NAA15: variants seen among roughly 807,000 people sequenced by gnomAD.
NAA15 encodes N-terminal acetyltransferase.
Under a neutral mutation model 114.0 loss-of-function variants are expected in NAA15, and 34 were observed. The ratio of observed to expected loss-of-function variants is 0.30; its 90% CI spans 0.23 to 0.40. NAA15 has a LOEUF of 0.40. NAA15 is among the 10% of genes least tolerant of loss of function. The pLI is 1.00. For synonymous variants in NAA15, 340 were observed against 338.0 expected, an observed-to-expected ratio of 1.01 and a Z score of -0.06; for missense variants, 658 against 1,004.5, an observed-to-expected ratio of 0.66 and a Z score of 4.66.
intron 10 of NAA15, chr4:139,356,354 G>A (rs917234864): frequency 6.6e-6 from 1 of 152,130 alleles, no homozygotes; most frequent in Admixed American, 6.6e-5. Flanking sequence ...TTCCTGTAGT[G>A]GGAAAGCCCG....
chr4:139,361,525 A>G (rs181794839), intron 13 of NAA15, among the ~76,000 whole-genome samples, 199 bp from the exon 14 acceptor site: 1 of 152,336 alleles, frequency 6.6e-6, no homozygotes, highest in African/African-American at 2.4e-5. Flanking sequence ...GCAGTATGCC[A>G]TATCCTGTGC....
Position 139,370,424 on chromosome 4 carries a change from A to G in NAA15, c.1947+20A>G, listed in dbSNP as rs781341666. ...GCCAAGGTACTTAATAATAGTGTTTAGCACAATTGAGTGACATTTTATGAC... is the reference window on the plus strand; with the variant it reads ...GCCAAGGTACTTAATAATAGTGTTTGGCACAATTGAGTGACATTTTATGAC... On this transcript the variant is annotated intron_variant, in intron 15 of 19. Coordinates refer to ENST00000296543, the MANE Select transcript of NAA15 (RefSeq NM_057175.5). 1.3e-6 allele frequency: 2 copies of G among 1,518,642 alleles called. No homozygotes were observed. Among genetic ancestry groups the G allele is most frequent in the South Asian group, 2.8e-5 (2 of 71,578 alleles). 94.1% of individuals were successfully genotyped at this position (1,518,642 alleles called of 1,614,324 possible). A position where few individuals can be genotyped will look rare whatever the true frequency, so the allele number is the denominator to read the frequency against.
At chr4:139,368,471 G>A (rs1397525996) in intron 14 of NAA15, among the ~76,000 whole-genome samples, 1 of 152,162 alleles carries the variant, frequency 6.6e-6, no homozygotes, top group Non-Finnish European at 1.5e-5. Flanking sequence ...AGCTTGGCTT[G>A]GAGGATCTCC....
At chr4:139,381,573 AT>A (rs1748756257) in intron 17 of NAA15, among the ~76,000 whole-genome samples, 2 of 151,720 alleles carry the variant, frequency 1.3e-5, no homozygotes, top group Non-Finnish European at 2.9e-5. Context: ...TAAATTTTTT[AT>A]TTTTTTAAGC....
chr4:139,380,517 T>C (rs1748720050), intron 17 of NAA15, among the ~76,000 whole-genome samples: 1 of 152,254 alleles, frequency 6.6e-6, no homozygotes, highest in Non-Finnish European at 1.5e-5. Flanking sequence ...TATTTGCTTA[T>C]AATCAGTATG....
intron 17 of NAA15, among the ~76,000 whole-genome samples, chr4:139,381,124 T>C (rs1399222855): frequency 6.6e-6 from 1 of 152,166 alleles, no homozygotes; most frequent in African/African-American, 2.4e-5. Context: ...TCCAAATCTC[T>C]AGAATATGTT....
At chr4:139,386,448 TA>T (rs1748911991) in intron 19 of NAA15, 1 of 361,070 alleles carries the variant, frequency 2.8e-6, no homozygotes, top group Admixed American at 4.7e-5. Flanking sequence ...AATAAAATCA[TA>T]TACATTCCAT....
At chr4:139,332,322 G>T (rs6826776) in intron 1 of NAA15, among the ~76,000 whole-genome samples, 1 of 151,534 alleles carries the variant, frequency 6.6e-6, no homozygotes, top group Non-Finnish European at 1.5e-5. Context: ...GTAGAAACGG[G>T]GTTTCACCAT....
At chr4:139,372,769 T>C (rs2110982824) in intron 15 of NAA15, among the ~76,000 whole-genome samples, 1 of 150,188 alleles carries the variant, frequency 6.7e-6, no homozygotes, top group East Asian at 2.0e-4. Flanking sequence ...TCAGCTTTCT[T>C]CTATGTGGTA....
intron 1 of NAA15, among the ~76,000 whole-genome samples, chr4:139,324,173 C>T (rs1487749617): frequency 6.6e-6 from 1 of 152,156 alleles, no homozygotes; most frequent in Non-Finnish European, 1.5e-5. Flanking sequence ...TGAGTCCAGC[C>T]CAGTTTGTTT....
At chr4:139,317,400 G>T (rs1270803955) in intron 1 of NAA15, among the ~76,000 whole-genome samples, 1 of 152,158 alleles carries the variant, frequency 6.6e-6, no homozygotes, top group Non-Finnish European at 1.5e-5. Flanking sequence ...GAGGCGGGTA[G>T]ATCACGAGGT....
chr4:139,384,258 C>G (rs1028418062), intron 17 of NAA15, among the ~76,000 whole-genome samples: 5 of 152,232 alleles, frequency 3.3e-5, no homozygotes, highest in Non-Finnish European at 2.9e-5. Flanking sequence ...GAACAGATCT[C>G]TTGAGCCCAG....
At chr4:139,314,976 T>C (rs946866272) in intron 1 of NAA15, among the ~76,000 whole-genome samples, 2 of 148,200 alleles carry the variant, frequency 1.3e-5, no homozygotes, top group Admixed American at 6.7e-5. Context: ...ACACCCGGCC[T>C]AGAGAAGCGT....
chr4:139,391,242 TGA>T lies in NAA15; in HGVS notation c.*3159_*3160del. 1 of 152,350 alleles carries T rather than the reference TGA, an allele frequency of 6.6e-6. No homozygotes were observed. Among genetic ancestry groups the T allele is most frequent in the Middle Eastern group, 3.4e-3 (1 of 292 alleles). The allele number at this position is 152,350 out of a possible 1,614,324, so 9.4% of individuals were successfully genotyped here. A position where few individuals can be genotyped will look rare whatever the true frequency, so the allele number is the denominator to read the frequency against. On this transcript the variant is annotated 3_prime_UTR_variant, in exon 20 of 20. Transcript: ENST00000296543. Reference sequence around the variant, plus strand: ...CATTCTGCTATCATCTAAACTTTGCTGAACTCTACTGCCAACCTACATTAAAA... The same window carrying T: ...CATTCTGCTATCATCTAAACTTTGCTACTCTACTGCCAACCTACATTAAAA...
Position 139,301,717 on chromosome 4 carries a change from G to T in NAA15, c.-61G>T. 2 of 1,522,228 alleles carry T rather than the reference G, an allele frequency of 1.3e-6. No homozygotes were observed. Among genetic ancestry groups the T allele is most frequent in the South Asian group, 1.2e-5 (1 of 82,516 alleles). The allele number at this position is 1,522,228 out of a possible 1,614,324, so 94.3% of individuals were successfully genotyped here. A position where few individuals can be genotyped will look rare whatever the true frequency, so the allele number is the denominator to read the frequency against. ...GCAGCTACGGAACGGCAGCGGCGGC[G>T]GTCGGACAAACTGACTGACCGAGCC... On this transcript the variant is annotated 5_prime_UTR_variant, in exon 1 of 20. Transcript: ENST00000296543.
rs1746264715 is a variant in NAA15 at position 139,312,822 on chromosome 4, G to A, written c.54+10991G>A. ...CATCATGCCACTGCACTCCAGCCTG[G>A]GTGACAGAATGAGACCTTGTCTGGG... On this transcript the variant is annotated intron_variant, in intron 1 of 19. Transcript: ENST00000296543. Among the ~76,000 whole-genome samples, 3 of 151,724 alleles carry A rather than the reference G, an allele frequency of 2.0e-5. No homozygotes were observed. In the South Asian group the frequency reaches 6.2e-4, roughly 32 times the overall value.
chr4:139,374,890 C>G (rs1412206531), intron 15 of NAA15, among the ~76,000 whole-genome samples: 1 of 152,180 alleles, frequency 6.6e-6, no homozygotes, highest in Non-Finnish European at 1.5e-5. Flanking sequence ...TTTCCTCTCT[C>G]CAAGTTCGAG....
At chr4:139,345,099 C>T (rs748269001) in intron 6 of NAA15, among the ~76,000 whole-genome samples, 2 of 152,152 alleles carry the variant, frequency 1.3e-5, no homozygotes, top group Non-Finnish European at 2.9e-5. Context: ...CTTGGCTCAC[C>T]TTGAGGTTGA....
At chr4:139,375,139 C>T (rs1229439646) in intron 15 of NAA15, among the ~76,000 whole-genome samples, 2 of 152,146 alleles carry the variant, frequency 1.3e-5, no homozygotes, top group East Asian at 1.9e-4. Flanking sequence ...TCCCCTTGTA[C>T]CAGAAATTCC....
Sources: gnomAD v4.1 joint callset for allele counts (sites outside exome capture counted in the v4.1 genomes callset) on GRCh38, gnomAD v4.1.1 for gene constraint, MANE v1.5 for transcripts, NCBI Gene and HGNC (gene_info 2026-07-23, HGNC 2026-07-21) for gene names.